Variants in YIPF5 observed in about 807,000 individuals in gnomAD.
The protein encoded by YIPF5 is Yip1 domain family member 5, also known as protein YIPF5.
YIPF5 carries 8 observed loss-of-function variants against 30.4 expected under a neutral mutation model. The ratio of observed to expected loss-of-function variants is 0.26; its 90% confidence interval spans 0.15 to 0.47. The LOEUF is 0.47. YIPF5 is among the 20% of genes least tolerant of loss of function. The probability of loss-of-function intolerance (pLI) is 0.99; values close to 1 mark genes in which losing one functional copy is unlikely to be tolerated. For synonymous variants in YIPF5, 104 were observed against 107.9 expected, an observed-to-expected ratio of 0.96 and a Z score of 0.23; for missense variants, 282 against 301.8, an observed-to-expected ratio of 0.93 and a Z score of 0.49.
rs946250130 is a variant in YIPF5, at chr5:144,158,469, T to C, written c.*1928A>G. Reference sequence around the variant, plus strand: ...AGAAAATAATTTGATCCATATGTGATATTTGGCTGAAGATTAACAGTGTTA... The same window carrying C: ...AGAAAATAATTTGATCCATATGTGACATTTGGCTGAAGATTAACAGTGTTA... On this transcript the variant is annotated 3_prime_UTR_variant, in exon 6 of 6. Coordinates refer to ENST00000274496, the MANE Select transcript of YIPF5 (RefSeq NM_030799.9). The C allele has an allele frequency of 1.1e-5, 14 of 1,272,168 alleles. No homozygotes were observed. Among genetic ancestry groups the C allele is most frequent in the African/African-American group, 1.6e-5 (1 of 64,510 alleles). 78.8% of individuals were successfully genotyped at this position (1,272,168 alleles called of 1,614,324 possible).
intron 5 of YIPF5, among the ~76,000 whole-genome samples, chr5:144,161,490 G>T (rs1752044708): frequency 6.6e-6 from 1 of 151,886 alleles, no homozygotes. Flanking sequence ...GATTACACAG[G>T]CATGTGCTAC....
chr5:144,164,137 G>A lies in YIPF5; in HGVS notation c.403C>T (p.Leu135Phe), dbSNP rs374453621. ...AGTAGCAATGTGGCTCCAAAAGCAA[G>A]GCAAAAAACCATTGGACCTGCCAAA... Reference protein sequence around the residue: ...TDLAGPMVFCLAFGATLLLAG... With the variant: ...TDLAGPMVFCFAFGATLLLAG... Residue 135 changes from leucine to phenylalanine, a missense_variant, in exon 4 of 6, where the codon CTT becomes TTT. Physicochemically the swap from Leu to Phe is conservative, Grantham distance 22 (BLOSUM62 0). Transcript: ENST00000274496. 1 of 1,612,642 alleles carries A rather than the reference G, an allele frequency of 6.2e-7. No homozygotes were observed. Among genetic ancestry groups the A allele is most frequent in the African/African-American group, 1.3e-5 (1 of 74,794 alleles).
At chr5:144,162,893 G>A (rs1472464688) in intron 4 of YIPF5, among the ~76,000 whole-genome samples, 1 of 152,148 alleles carries the variant, frequency 6.6e-6, no homozygotes, top group Non-Finnish European at 1.5e-5. Flanking sequence ...GGTGCTAGAG[G>A]AGCAAGGGGA....
rs762090151 is a variant in YIPF5 at position 144,164,117 on chromosome 5, C to T, written c.423G>A (p.Leu141=). ...GTTGAAATGAAAATCTTACCAGTAG[C>T]AATGTGGCTCCAAAAGCAAGGCAAA... ...MVFCLAFGAT[L]LLAGKIQFGY... Residue 141 remains leucine (L), a synonymous_variant, in exon 4 of 6, where the codon TTG becomes TTA. Coordinates refer to ENST00000274496, the MANE Select transcript of YIPF5 (RefSeq NM_030799.9). The T allele has an allele frequency of 6.2e-7, 1 of 1,612,162 alleles. No individual in the cohort carries two copies. The highest frequency in any genetic ancestry group is 8.5e-7 in the Non-Finnish European group (1 of 1,179,488).
chr5:144,166,916 A>G (rs918554080), intron 2 of YIPF5, among the ~76,000 whole-genome samples: 2 of 152,198 alleles, frequency 1.3e-5, no homozygotes, highest in Admixed American at 6.5e-5. Flanking sequence ...GACTACTAGA[A>G]CAACTTGATG....
chr5:144,158,911 CT>C lies in YIPF5; in HGVS notation c.*1485del, dbSNP rs1007356128. On this transcript the variant is annotated 3_prime_UTR_variant, in exon 6 of 6. Coordinates refer to ENST00000274496, the MANE Select transcript of YIPF5 (RefSeq NM_030799.9). The stretch of plus-strand genomic sequence containing the variant: ...ACATTTCTATTTAGTCTGAAAATCT[CT>C]TTAAAAAAAAAAAAAAGGCAGTATT... The C allele has an allele frequency of 9.3e-5, 89 of 958,876 alleles. No homozygotes were observed. Among genetic ancestry groups the C allele is most frequent in the Admixed American group, 1.3e-4 (2 of 15,382 alleles). The allele number at this position is 958,876 out of a possible 1,614,324, so 59.4% of individuals were successfully genotyped here.
At chr5:144,164,362 G>A (rs1264848838) in intron 3 of YIPF5, 106 bp from the exon 4 acceptor site, 1 of 984,700 alleles carries the variant, frequency 1.0e-6, no homozygotes, top group Non-Finnish European at 1.5e-6. Context: ...ATCAAAAAAG[G>A]ATCTAGCAAT....
rs772900066 is a variant in YIPF5, at chr5:144,169,908, G to A, written c.48C>T (p.Tyr16=). 18 of 1,614,200 alleles carry A rather than the reference G, an allele frequency of 1.1e-5. No homozygotes were observed. The South Asian group carries it at 1.9e-4, about 17-fold the overall frequency. Residue 16 remains tyrosine (Y), a synonymous_variant, in exon 2 of 6, where the codon TAC becomes TAT. Transcript: ENST00000274496. ...ACTGCTGTGACTGATCATCGATGCT[G>A]TAACTTGTCTGGTAGAAATCCGTGT... ...NLNTDFYQTS[Y]SIDDQSQQSY...
chr5:144,165,564 C>T lies in YIPF5; in HGVS notation c.151G>A (p.Val51Ile), dbSNP rs1363878263. Residue 51 changes from valine (V) to isoleucine (I), a missense_variant, in exon 3 of 6, where the codon GTC becomes ATC. Coordinates refer to ENST00000274496, the MANE Select transcript of YIPF5 (RefSeq NM_030799.9). ...GYDYSQQGRFVPPDMMQPQQP... is the reference protein window; with the variant it reads ...GYDYSQQGRFIPPDMMQPQQP... Reference sequence around the variant, plus strand: ...TGTGGCTGCATCATGTCTGGAGGGACAAATCTGCCTTGCTGCGAATAGTCA... The same window carrying T: ...TGTGGCTGCATCATGTCTGGAGGGATAAATCTGCCTTGCTGCGAATAGTCA... 4.3e-6 allele frequency: 7 copies of T among 1,613,964 alleles called. No individual in the cohort carries two copies. In the African/African-American group the frequency reaches 6.7e-5, roughly 15 times the overall value.
rs1751951036 is a variant in YIPF5 at position 144,159,026 on chromosome 5, T to C, written c.*1371A>G. ...TTTTCTAGAAAAAGCCAATGATCAG[T>C]ATACAAGATACAGTATTTTCCTACA... On this transcript the variant is annotated 3_prime_UTR_variant, in exon 6 of 6. Transcript: ENST00000274496. The C allele has an allele frequency of 1.0e-6, 1 of 984,338 alleles. No homozygotes were observed. Among genetic ancestry groups the C allele is most frequent in the African/African-American group, 1.7e-5 (1 of 57,160 alleles). 61.0% of individuals were successfully genotyped at this position (984,338 alleles called of 1,614,324 possible).
chr5:144,169,550 C>T (rs1278386586), intron 2 of YIPF5, among the ~76,000 whole-genome samples: 1 of 152,172 alleles, frequency 6.6e-6, no homozygotes, highest in Non-Finnish European at 1.5e-5. Flanking sequence ...CCTGAAGCTC[C>T]CATCATCTTC....
intron 1 of YIPF5, 64 bp from the exon 2 acceptor site, chr5:144,170,029 C>T: frequency 7.4e-7 from 1 of 1,347,988 alleles, no homozygotes; most frequent in Non-Finnish European, 1.1e-6. Context: ...TCGTTCCTGG[C>T]AGTCTGCTTA....
At chr5:144,166,482 T>G (rs544061892) in intron 2 of YIPF5, among the ~76,000 whole-genome samples, 20 of 152,332 alleles carry the variant, frequency 1.3e-4, no homozygotes, top group Non-Finnish European at 2.6e-4. Flanking sequence ...TTAAAAGATA[T>G]TCTTAAAAAT....
Position 144,159,418 on chromosome 5 carries a change from T to C in YIPF5, c.*979A>G, listed in dbSNP as rs930652794. 1.5e-5 allele frequency: 15 copies of C among 985,432 alleles called. No individual in the cohort carries two copies. The highest frequency in any genetic ancestry group is 1.8e-5 in the Non-Finnish European group (15 of 829,916). The allele number at this position is 985,432 out of a possible 1,614,324, so 61.0% of individuals were successfully genotyped here. A position where few individuals can be genotyped will look rare whatever the true frequency, so the allele number is the denominator to read the frequency against. On this transcript the variant is annotated 3_prime_UTR_variant, in exon 6 of 6. Coordinates refer to ENST00000274496, the MANE Select transcript of YIPF5 (RefSeq NM_030799.9). ...GGGAAATGTGGCGATCCAACGATTA[T>C]AGCATTAATGCAACCATTCCAGGTC...
At chr5:144,161,385 C>A (rs1005358426) in intron 5 of YIPF5, among the ~76,000 whole-genome samples, 1 of 130,602 alleles carries the variant, frequency 7.7e-6, no homozygotes, top group African/African-American at 2.9e-5. Flanking sequence ...TTTTGTTGCC[C>A]AGGCTGAAGT....
chr5:144,162,069 T>G (rs1752063239), intron 5 of YIPF5, 149 bp downstream of exon 5: 1 of 778,470 alleles, frequency 1.3e-6, no homozygotes, highest in Admixed American at 2.7e-5. Flanking sequence ...CCATTGTTCT[T>G]CATCCGAAAC....
In YIPF5 at chr5:144,170,654, G is replaced by A. The variant is rs1752356262; in HGVS notation, c.-130C>T. 2.0e-5 allele frequency: 3 copies of A among 152,566 alleles called. No individual in the cohort carries two copies. The highest frequency in any genetic ancestry group is 2.1e-4 in the South Asian group (1 of 4,838). The allele number at this position is 152,566 out of a possible 1,614,324, so 9.5% of individuals were successfully genotyped here. On this transcript the variant is annotated 5_prime_UTR_variant, in exon 1 of 6. Transcript: ENST00000274496. ...CTACGTGTCACAGGGCCAAAGAACGGCTTCCGGGGCACGCCCGCTCGCGCA... is the reference window on the plus strand; with the variant it reads ...CTACGTGTCACAGGGCCAAAGAACGACTTCCGGGGCACGCCCGCTCGCGCA...
chr5:144,161,928 T>C (rs915801720), intron 5 of YIPF5, among the ~76,000 whole-genome samples: 4 of 152,346 alleles, frequency 2.6e-5, no homozygotes, highest in East Asian at 1.9e-4. Context: ...ACCTTTTTCA[T>C]GTAATATTTA....
At chr5:144,166,986 G>A (rs1032159804) in intron 2 of YIPF5, among the ~76,000 whole-genome samples, 2 of 152,202 alleles carry the variant, frequency 1.3e-5, no homozygotes, top group East Asian at 1.9e-4. Flanking sequence ...TTTTGCAACA[G>A]CACTGCAAAT....
Sources: allele counts gnomAD v4.1 joint callset (sites outside exome capture counted in the v4.1 genomes callset), GRCh38; gene constraint gnomAD v4.1.1; transcripts MANE v1.5; gene names NCBI Gene and HGNC (gene_info 2026-07-23, HGNC 2026-07-21).